Variants in DHRSX observed in about 807,000 individuals in gnomAD.
DHRSX encodes dehydrogenase/reductase X-linked.
Under a neutral mutation model 34.0 loss-of-function variants are expected in DHRSX, and 31 were observed. That is an observed-to-expected ratio of 0.91 (90% CI 0.69 to 1.23). The LOEUF (loss-of-function observed/expected upper bound fraction) is 1.23, where lower values mean the gene tolerates loss of function less well. Among genes scored for constraint, DHRSX ranks in the 50% most tolerant of loss-of-function variants. The probability of loss-of-function intolerance (pLI) is 0.00; values close to 1 mark genes in which losing one functional copy is unlikely to be tolerated. For missense variants in DHRSX, 414 were observed against 428.1 expected (o/e 0.97, Z 0.29); for synonymous variants, 201 against 183.8 (o/e 1.09, Z -0.76).
chrX:2,256,187 G>T (rs1192237692), intron 5 of DHRSX, among the ~76,000 whole-genome samples: 5 of 151,188 alleles, frequency 3.3e-5, no homozygotes, highest in Middle Eastern at 6.9e-3. Context: ...TAGAGACGGG[G>T]TTTCACCATG....
At position 2,425,316 on chromosome X, in the gene DHRSX, G is replaced by A; in HGVS notation, c.110-12C>T. Reference sequence around the variant, plus strand: ...TCGTGGGGGGAAAACTGAAAAAGAAGAAGAGAAAATCATCAAACTAAGATT... The same window carrying A: ...TCGTGGGGGGAAAACTGAAAAAGAAAAAGAGAAAATCATCAAACTAAGATT... On this transcript the variant is annotated splice_polypyrimidine_tract_variant and intron_variant, in intron 1 of 6. Coordinates refer to ENST00000334651, the MANE Select transcript of DHRSX (RefSeq NM_145177.3). 6.2e-7 allele frequency: 1 copy of A among 1,603,354 alleles called. No homozygotes were observed. Among genetic ancestry groups the A allele is most frequent in the Non-Finnish European group, 8.5e-7 (1 of 1,171,640 alleles).
chrX:2,222,529 G>A (rs963374201), intron 6 of DHRSX, among the ~76,000 whole-genome samples: 3 of 152,344 alleles, frequency 2.0e-5, no homozygotes, highest in African/African-American at 2.4e-5. Flanking sequence ...CCTTTGTTAT[G>A]TCCCCTCTAG....
intron 4 of DHRSX, among the ~76,000 whole-genome samples, chrX:2,269,143 T>G (rs1427410773): frequency 6.6e-6 from 1 of 152,262 alleles, no homozygotes; most frequent in Non-Finnish European, 1.5e-5. Context: ...TATGGAGCTA[T>G]CTATACATAT....
intron 1 of DHRSX, 59 bp downstream of exon 1, chrX:2,500,758 G>C: frequency 1.2e-3 from 372 of 301,742 alleles, no homozygotes; most frequent in Non-Finnish European, 1.4e-3. Flanking sequence ...CCCCGCCCCC[G>C]AGCCAGCCCG....
At chrX:2,274,738 C>T (rs1354168291) in intron 4 of DHRSX, among the ~76,000 whole-genome samples, 1 of 151,998 alleles carries the variant, frequency 6.6e-6, no homozygotes, top group Non-Finnish European at 1.5e-5. Flanking sequence ...GCCACGCACC[C>T]GTATTTTAAA....
At chrX:2,242,471 C>A (rs1178889258) in intron 6 of DHRSX, among the ~76,000 whole-genome samples, 2 of 152,102 alleles carry the variant, frequency 1.3e-5, no homozygotes, top group Non-Finnish European at 2.9e-5. Flanking sequence ...TGAATAGGGG[C>A]TGGGTAACAC....
chrX:2,402,883 C>CTT (rs758977585), intron 3 of DHRSX, among the ~76,000 whole-genome samples: 3,482 of 117,620 alleles, frequency 0.03, 254 homozygotes, highest in African/African-American at 0.1. Context: ...TAATTGGTTT[C>CTT]TTTTTTTTTT....
chrX:2,298,317 G>GTTTTTTTTTTT (rs529844889), intron 3 of DHRSX, among the ~76,000 whole-genome samples: 1 of 123,696 alleles, frequency 8.1e-6, no homozygotes, highest in Non-Finnish European at 1.7e-5. Context: ...CAGTTTTGGT[G>GTTTTTTTTTTT]TTTTTTTTTT....
chrX:2,480,635 T>G (rs1414445771), intron 1 of DHRSX, among the ~76,000 whole-genome samples: 1 of 150,566 alleles, frequency 6.6e-6, no homozygotes, highest in African/African-American at 2.4e-5. Context: ...CTGAGCAACA[T>G]AGCAAGACCC....
chrX:2,319,270 T>C lies in DHRSX; in HGVS notation c.287-27667A>G, dbSNP rs892024342. The stretch of plus-strand genomic sequence containing the variant: ...CCCTCCTCTCCCTACTCCTGCAGAG[T>C]GCAGTGACTCACGCCTATAATCCCA... On this transcript the variant is annotated intron_variant, in intron 3 of 6. Coordinates refer to ENST00000334651, the MANE Select transcript of DHRSX (RefSeq NM_145177.3). 3.1e-5 allele frequency among the ~76,000 whole-genome samples: 4 copies of C among 131,022 alleles called. No homozygotes were observed. In the Admixed American group the frequency reaches 3.5e-4, roughly 11 times the overall value. 86.0% of individuals were successfully genotyped at this position (131,022 alleles called of 152,430 possible). A position where few individuals can be genotyped will look rare whatever the true frequency, so the allele number is the denominator to read the frequency against.
chrX:2,463,064 G>T (rs1419010779), intron 1 of DHRSX, among the ~76,000 whole-genome samples: 3 of 152,128 alleles, frequency 2.0e-5, no homozygotes, highest in South Asian at 2.1e-4. Flanking sequence ...AAAATGCGTC[G>T]TCTATGAACC....
intron 2 of DHRSX, among the ~76,000 whole-genome samples, chrX:2,422,994 G>T (rs2043799513): frequency 6.6e-6 from 1 of 151,630 alleles, no homozygotes. Context: ...GGACAGTCAG[G>T]GCTTCACCAT....
At chrX:2,355,021 A>T (rs1213153360) in intron 3 of DHRSX, among the ~76,000 whole-genome samples, 1 of 152,222 alleles carries the variant, frequency 6.6e-6, no homozygotes, top group African/African-American at 2.4e-5. Context: ...GAAGAGCATC[A>T]GTTGAAATGA....
chrX:2,384,229 G>A (rs945376889), intron 3 of DHRSX, among the ~76,000 whole-genome samples: 28 of 152,192 alleles, frequency 1.8e-4, no homozygotes, highest in Non-Finnish European at 3.7e-4. Context: ...ATCGACTGTA[G>A]GCAGCTGAGA....
At chrX:2,258,648 G>C (rs2041312922) in intron 5 of DHRSX, among the ~76,000 whole-genome samples, 1 of 152,178 alleles carries the variant, frequency 6.6e-6, no homozygotes, top group African/African-American at 2.4e-5. Flanking sequence ...AATGTCTGCT[G>C]TTTAAGCCAC....
intron 5 of DHRSX, among the ~76,000 whole-genome samples, chrX:2,252,878 ACT>A (rs1448347835): frequency 6.6e-6 from 1 of 152,138 alleles, no homozygotes; most frequent in Non-Finnish European, 1.5e-5. Flanking sequence ...AACCCTAAGG[ACT>A]CTGACAAAAG....
At chrX:2,251,153 C>T (rs73628255) in intron 5 of DHRSX, among the ~76,000 whole-genome samples, 3,934 of 152,278 alleles carry the variant, frequency 0.026, 189 homozygotes, top group African/African-American at 0.089. Context: ...CAAAATCTGA[C>T]ATCGGGCCTG....
In DHRSX at chrX:2,425,321, G is replaced by C. The variant is rs749933519; in HGVS notation, c.110-17C>G. ...GGGGGAAAACTGAAAAAGAAGAAGAGAAAATCATCAAACTAAGATTTGAAA... is the reference window on the plus strand; with the variant it reads ...GGGGGAAAACTGAAAAAGAAGAAGACAAAATCATCAAACTAAGATTTGAAA... On this transcript the variant is annotated splice_polypyrimidine_tract_variant and intron_variant, in intron 1 of 6. Coordinates refer to ENST00000334651, the MANE Select transcript of DHRSX (RefSeq NM_145177.3). 1 of 1,594,622 alleles carries C rather than the reference G, an allele frequency of 6.3e-7. No individual in the cohort carries two copies. The highest frequency in any genetic ancestry group is 1.1e-5 in the South Asian group (1 of 89,894).
intron 3 of DHRSX, among the ~76,000 whole-genome samples, chrX:2,402,167 T>G (rs1193023764): frequency 2.6e-5 from 4 of 152,018 alleles, no homozygotes; most frequent in Non-Finnish European, 5.9e-5. Context: ...GCTCCTGGAG[T>G]CAGGACGTGA....
Sources: allele counts gnomAD v4.1 joint callset (sites outside exome capture counted in the v4.1 genomes callset), GRCh38; gene constraint gnomAD v4.1.1; transcripts MANE v1.5; gene names NCBI Gene and HGNC (gene_info 2026-07-23, HGNC 2026-07-21).